ZFR: variants seen among roughly 807,000 people sequenced by gnomAD.
ZFR encodes zinc finger RNA-binding protein.
Under a neutral mutation model 130.7 loss-of-function variants are expected in ZFR, and 19 were observed. The ratio of observed to expected loss-of-function variants is 0.15; its 90% confidence interval spans 0.10 to 0.21. The LOEUF (loss-of-function observed/expected upper bound fraction) is 0.21, where lower values mean the gene tolerates loss of function less well. ZFR is among the 10% of genes least tolerant of loss of function. ZFR has a pLI of 1.00. For missense variants in ZFR, 872 were observed against 1,321.5 expected, an observed-to-expected ratio of 0.66 and a Z score of 5.27; for synonymous variants, 466 against 456.9, an observed-to-expected ratio of 1.02 and a Z score of -0.25.
Position 32,380,262 on chromosome 5 carries a change from A to C in ZFR, c.2642-90T>G, listed in dbSNP as rs1273490179. The stretch of plus-strand genomic sequence containing the variant: ...TTCCTTAAGGTAGCATCAGTGTCAC[A>C]TGAGCCATTTGAGAGCTTGTTGGCA... On this transcript the variant is annotated intron_variant, in intron 15 of 19. Coordinates refer to ENST00000265069, the MANE Select transcript of ZFR (RefSeq NM_016107.5). 1.9e-5 allele frequency: 17 copies of C among 883,368 alleles called. 1 individual carries two copies. The Admixed American group carries it at 3.4e-4, about 18-fold the overall frequency. 54.7% of individuals were successfully genotyped at this position (883,368 alleles called of 1,614,324 possible).
chr5:32,381,585 G>A (rs1752938593), intron 15 of ZFR, among the ~76,000 whole-genome samples: 1 of 152,120 alleles, frequency 6.6e-6, no homozygotes, highest in Non-Finnish European at 1.5e-5. Flanking sequence ...AGTACTAGCT[G>A]CAGTTCTGGT....
chr5:32,405,751 G>A (rs1478173066), intron 6 of ZFR, among the ~76,000 whole-genome samples: 2 of 151,986 alleles, frequency 1.3e-5, no homozygotes, highest in African/African-American at 2.4e-5. Context: ...CCTGCCTCCC[G>A]TCACCTCCTG....
At chr5:32,438,769 C>G (rs1045935252) in intron 2 of ZFR, among the ~76,000 whole-genome samples, 1 of 152,046 alleles carries the variant, frequency 6.6e-6, no homozygotes, top group East Asian at 1.9e-4. Flanking sequence ...ACCAAGGAAT[C>G]CTTCTAAAAC....
chr5:32,409,940 TC>T (rs1320394244), intron 5 of ZFR, among the ~76,000 whole-genome samples: 1 of 151,716 alleles, frequency 6.6e-6, no homozygotes, highest in African/African-American at 2.4e-5. Context: ...GCCACTACAC[TC>T]CAGCCTGGGT....
chr5:32,387,551 C>G lies in ZFR; in HGVS notation c.2497G>C (p.Ala833Pro). Residue 833 changes from alanine to proline, a missense_variant and splice_region_variant, in exon 14 of 20, where the codon GCT becomes CCT. Ala to Pro is a conservative substitution (Grantham distance 27, BLOSUM62 -1). Transcript: ENST00000265069. ...RIAENLPKQL[A>P]VISPEKYDIK... ...ATGAACATTTCCATAATACTTACAG[C>G]AAGCTGTTTGGGTAGGTTTTCTGCA... 2.5e-6 allele frequency: 4 copies of G among 1,611,816 alleles called. No individual in the cohort carries two copies. Among genetic ancestry groups the G allele is most frequent in the Non-Finnish European group, 3.4e-6 (4 of 1,178,972 alleles).
intron 11 of ZFR, among the ~76,000 whole-genome samples, chr5:32,391,725 A>G (rs1451530645): frequency 1.3e-5 from 2 of 152,060 alleles, no homozygotes; most frequent in Admixed American, 1.3e-4. Flanking sequence ...CTACCATTAC[A>G]GAAACTACCA....
At chr5:32,374,178 G>A (rs2111691076) in intron 17 of ZFR, among the ~76,000 whole-genome samples, 1 of 152,318 alleles carries the variant, frequency 6.6e-6, no homozygotes, top group Middle Eastern at 3.4e-3. Flanking sequence ...CAGGAAGCAG[G>A]ATCATGATGT....
intron 2 of ZFR, among the ~76,000 whole-genome samples, chr5:32,433,215 G>A (rs1754261362): frequency 6.6e-6 from 1 of 152,022 alleles, no homozygotes; most frequent in Non-Finnish European, 1.5e-5. Flanking sequence ...GCGTCCACTG[G>A]ATCTTTTAAA....
At chr5:32,441,200 C>A (rs1754465167) in intron 2 of ZFR, among the ~76,000 whole-genome samples, 1 of 152,208 alleles carries the variant, frequency 6.6e-6, no homozygotes, top group Non-Finnish European at 1.5e-5. Context: ...TGATCTCATA[C>A]CCCTGACCTC....
chr5:32,367,127 G>A (rs1302097418), intron 17 of ZFR, among the ~76,000 whole-genome samples: 4 of 151,884 alleles, frequency 2.6e-5, no homozygotes, highest in African/African-American at 9.7e-5. Context: ...GGAAAGCAGT[G>A]GTGTGATTAT....
chr5:32,383,675 T>C, intron 15 of ZFR: 18 of 439,956 alleles, frequency 4.1e-5, no homozygotes, highest in South Asian at 2.9e-4. Context: ...CCTTAACCCC[T>C]GTACTAACTC....
chr5:32,444,371 G>A lies in ZFR; in HGVS notation c.38-43C>T, dbSNP rs776542306. ...AGTCGGGTCCCATGGCGGGACAAGA[G>A]ACACAGAGGAGCCGAGACGCCGAGG... On this transcript the variant is annotated intron_variant, in intron 1 of 19. Transcript: ENST00000265069. 7.2e-6 allele frequency: 11 copies of A among 1,521,318 alleles called. No individual in the cohort carries two copies. The South Asian group carries it at 1.4e-4, about 19-fold the overall frequency. The allele number at this position is 1,521,318 out of a possible 1,614,324, so 94.2% of individuals were successfully genotyped here.
At chr5:32,422,288 C>T (rs553744065) in intron 2 of ZFR, among the ~76,000 whole-genome samples, 21 of 152,094 alleles carry the variant, frequency 1.4e-4, no homozygotes, top group African/African-American at 3.6e-4. Context: ...TGCCTACTGC[C>T]GGTGTAATTA....
chr5:32,368,077 C>T (rs1030266095), intron 17 of ZFR, among the ~76,000 whole-genome samples: 9 of 151,982 alleles, frequency 5.9e-5, no homozygotes, highest in Non-Finnish European at 1.2e-4. Context: ...TAACTAGTTT[C>T]CATGAATATT....
rs186516762 is a variant in ZFR at position 32,437,611 on chromosome 5, C to G, written c.137+6618G>C. Among the ~76,000 whole-genome samples the G allele has an allele frequency of 4.9e-4, 74 of 152,266 alleles. No homozygotes were observed. The East Asian group carries it at 0.014, about 29-fold the overall frequency. On this transcript the variant is annotated intron_variant, in intron 2 of 19. Coordinates refer to ENST00000265069, the MANE Select transcript of ZFR (RefSeq NM_016107.5). ...AGACTAAAGATCCATCCAAATAATA[C>G]TAACATACTTCATCAATTACAACAT...
chr5:32,369,098 G>T (rs544816176), intron 17 of ZFR, among the ~76,000 whole-genome samples: 2 of 152,198 alleles, frequency 1.3e-5, no homozygotes, highest in South Asian at 4.1e-4. Flanking sequence ...GCAGGGAAAA[G>T]ATTTACTTAC....
intron 2 of ZFR, among the ~76,000 whole-genome samples, chr5:32,437,394 C>T (rs1295982608): frequency 6.6e-6 from 1 of 151,980 alleles, no homozygotes; most frequent in African/African-American, 2.4e-5. Context: ...GTATACAAGA[C>T]TAATATTCAA....
chr5:32,392,649 G>T (rs1290957358), intron 11 of ZFR, among the ~76,000 whole-genome samples: 1 of 152,154 alleles, frequency 6.6e-6, no homozygotes. Flanking sequence ...GCAATTCAGG[G>T]ACACCAAGTG....
intron 17 of ZFR, 142 bp downstream of exon 17, chr5:32,378,973 T>A (rs1198871829): frequency 1.2e-5 from 7 of 560,568 alleles, no homozygotes; most frequent in Non-Finnish European, 2.2e-5. Context: ...ATTCTAAGAC[T>A]CCCCCAGGAT....
Sources: gnomAD v4.1 joint callset for allele counts (sites outside exome capture counted in the v4.1 genomes callset) on GRCh38, gnomAD v4.1.1 for gene constraint, MANE v1.5 for transcripts, NCBI Gene and HGNC (gene_info 2026-07-23, HGNC 2026-07-21) for gene names.